Variants in SUMF1 observed in about 807,000 individuals in gnomAD.
SUMF1 encodes sulfatase modifying factor 1.
A neutral mutation model predicts 47.6 loss-of-function variants in SUMF1; 48 were observed. That is an observed-to-expected ratio of 1.01 (90% CI 0.80 to 1.28). SUMF1 has a LOEUF of 1.28. Ranked by LOEUF, SUMF1 falls within the 50% of genes most tolerant of loss-of-function variation. SUMF1 has a pLI of 0.00. For synonymous variants in SUMF1, 230 were observed against 192.1 expected (o/e 1.20, Z -1.63); for missense variants, 571 against 485.4 (o/e 1.18, Z -1.66).
At chr3:4,115,074 G>T (rs2125073078) in intron 8 of SUMF1, among the ~76,000 whole-genome samples, 2 of 151,990 alleles carry the variant, frequency 1.3e-5, no homozygotes, top group South Asian at 4.2e-4. Context: ...GCCACTCTGT[G>T]CCTATGAAAA....
chr3:4,130,309 C>T (rs4410433), intron 8 of SUMF1, among the ~76,000 whole-genome samples: 5 of 152,002 alleles, frequency 3.3e-5, no homozygotes, highest in African/African-American at 9.7e-5. Flanking sequence ...TTGACAAATG[C>T]CTTTTTCTCC....
At chr3:4,195,540 G>A (rs1031869575) in intron 8 of SUMF1, among the ~76,000 whole-genome samples, 1 of 152,112 alleles carries the variant, frequency 6.6e-6, no homozygotes, top group South Asian at 2.1e-4. Flanking sequence ...ATTTAAATGG[G>A]AAAATGTAGA....
At chr3:4,137,273 C>G (rs1200641373) in intron 8 of SUMF1, among the ~76,000 whole-genome samples, 3 of 152,018 alleles carry the variant, frequency 2.0e-5, no homozygotes, top group African/African-American at 7.3e-5. Flanking sequence ...ACATATACAC[C>G]ATGGAATACT....
At chr3:4,443,722 G>A (rs892794758) in intron 3 of SUMF1, among the ~76,000 whole-genome samples, 4 of 151,928 alleles carry the variant, frequency 2.6e-5, no homozygotes, top group Non-Finnish European at 4.4e-5. Context: ...CCAAGATCGT[G>A]CCACTGCACT....
At chr3:4,172,954 C>T (rs1025024251) in intron 8 of SUMF1, among the ~76,000 whole-genome samples, 1 of 152,084 alleles carries the variant, frequency 6.6e-6, no homozygotes, top group Admixed American at 6.6e-5. Flanking sequence ...ATGGTATTGC[C>T]TCGGTTTTCT....
rs546922800 is a variant in SUMF1 at position 4,203,604 on chromosome 3, T to A, written c.1015-134859A>T. The stretch of plus-strand genomic sequence containing the variant: ...TACATTCAATGTTACTATTGATAAG[T>A]AAGGACTTTCTCCTGTCATGTTGTT... On this transcript the variant is annotated intron_variant and NMD_transcript_variant, in intron 8 of 12. Coordinates refer to the SUMF1 transcript ENST00000448413. Among the ~76,000 whole-genome samples the A allele has an allele frequency of 2.6e-5, 4 of 152,160 alleles. No homozygotes were observed. In the South Asian group the frequency reaches 8.3e-4, roughly 32 times the overall value.
intron 8 of SUMF1, among the ~76,000 whole-genome samples, chr3:4,172,650 A>G (rs1434277065): frequency 6.6e-6 from 1 of 152,100 alleles, no homozygotes; most frequent in African/African-American, 2.4e-5. Flanking sequence ...TCTTCTTTTG[A>G]GAAGGGTCTG....
intron 8 of SUMF1, among the ~76,000 whole-genome samples, chr3:4,363,284 G>A (rs140249593): frequency 2.6e-3 from 400 of 151,986 alleles, no homozygotes; most frequent in Non-Finnish European, 3.6e-3. Flanking sequence ...CCAGTAGATC[G>A]GCAAAAAATT....
intron 8 of SUMF1, among the ~76,000 whole-genome samples, chr3:4,210,020 G>A (rs2629259): frequency 0.011 from 1,611 of 151,896 alleles, 32 homozygotes; most frequent in African/African-American, 0.036. Context: ...TCAGCCTCCC[G>A]AGTAGCTGAG....
chr3:4,386,007 A>C (rs949027109), intron 7 of SUMF1, among the ~76,000 whole-genome samples: 2 of 152,110 alleles, frequency 1.3e-5, no homozygotes, highest in Non-Finnish European at 2.9e-5. Flanking sequence ...TCCCTCCACC[A>C]ATATCAAACA....
intron 7 of SUMF1, among the ~76,000 whole-genome samples, chr3:4,400,883 T>A (rs1701188553): frequency 6.6e-6 from 1 of 152,152 alleles, no homozygotes; most frequent in Admixed American, 6.5e-5. Flanking sequence ...GTTACATATG[T>A]ATACATGTGC....
chr3:4,278,025 T>C (rs890178811), intron 8 of SUMF1, among the ~76,000 whole-genome samples: 16 of 152,168 alleles, frequency 1.1e-4, no homozygotes, highest in African/African-American at 3.1e-4. Context: ...AATTTCTTTT[T>C]TCGCTACAAC....
At chr3:4,159,294 G>A (rs1328625978) in intron 8 of SUMF1, among the ~76,000 whole-genome samples, 2 of 142,000 alleles carry the variant, frequency 1.4e-5, no homozygotes, top group African/African-American at 2.7e-5. Context: ...TATTTTTTGT[G>A]CATCCATTGC....
At chr3:4,278,746 T>G (rs1432681843) in intron 8 of SUMF1, among the ~76,000 whole-genome samples, 1 of 152,154 alleles carries the variant, frequency 6.6e-6, no homozygotes, top group Non-Finnish European at 1.5e-5. Context: ...TTGATATACA[T>G]GGTATTCTTT....
intron 7 of SUMF1, among the ~76,000 whole-genome samples, chr3:4,406,217 A>G (rs1446357092): frequency 6.6e-6 from 1 of 152,232 alleles, no homozygotes; most frequent in Non-Finnish European, 1.5e-5. Flanking sequence ...TGACAAATTA[A>G]ATGTCACACA....
chr3:4,167,893 A>C (rs1418039781), intron 8 of SUMF1, among the ~76,000 whole-genome samples: 2 of 152,196 alleles, frequency 1.3e-5, no homozygotes, highest in Admixed American at 1.3e-4. Flanking sequence ...TTTTAGATAT[A>C]GGAGGAAGAT....
At chr3:4,334,612 C>G (rs1302803067) in intron 8 of SUMF1, among the ~76,000 whole-genome samples, 1 of 152,156 alleles carries the variant, frequency 6.6e-6, no homozygotes, top group Admixed American at 6.5e-5. Context: ...AAAAGCTTCC[C>G]AAGGAAAGGG....
chr3:4,422,927 T>A (rs1397817461), intron 3 of SUMF1, among the ~76,000 whole-genome samples: 1 of 147,448 alleles, frequency 6.8e-6, no homozygotes, highest in African/African-American at 2.4e-5. Flanking sequence ...TGAACCCAAT[T>A]TGTAGTCTTT....
At chr3:4,080,973 G>T (rs1211378346) in intron 8 of SUMF1, among the ~76,000 whole-genome samples, 1 of 152,030 alleles carries the variant, frequency 6.6e-6, no homozygotes, top group Non-Finnish European at 1.5e-5. Flanking sequence ...ACCTCAGTTT[G>T]CTCAACTGAA....
Sources: gnomAD v4.1 joint callset for allele counts (sites outside exome capture counted in the v4.1 genomes callset) on GRCh38, gnomAD v4.1.1 for gene constraint, MANE v1.5 for transcripts, NCBI Gene and HGNC (gene_info 2026-07-23, HGNC 2026-07-21) for gene names.